Variants in MEIOB observed in about 807,000 individuals in gnomAD.
MEIOB encodes the protein meiosis-specific with OB domain-containing protein.
In MEIOB, 50 loss-of-function variants were observed where a neutral mutation model predicts 53.1. The observed-to-expected ratio is 0.94, with a 90% confidence interval of 0.75 to 1.19. MEIOB has a LOEUF of 1.19. Ranked by LOEUF, MEIOB falls within the 50% of genes most tolerant of loss-of-function variation. MEIOB has a pLI of 0.00. For missense variants in MEIOB, 551 were observed against 550.8 expected, an observed-to-expected ratio of 1.00 and a Z score of 0.00; for synonymous variants, 192 against 182.5, an observed-to-expected ratio of 1.05 and a Z score of -0.42.
intron 10 of MEIOB, among the ~76,000 whole-genome samples, chr16:1,843,160 G>T (rs1415597009): frequency 6.6e-6 from 1 of 151,258 alleles, no homozygotes; most frequent in African/African-American, 2.4e-5. Context: ...CGGGCGTGGG[G>T]TGGGCGCCTG....
intron 5 of MEIOB, among the ~76,000 whole-genome samples, chr16:1,859,348 C>T (rs564857837): frequency 2.6e-5 from 4 of 152,076 alleles, no homozygotes; most frequent in Non-Finnish European, 5.9e-5. Context: ...TCGACACCAG[C>T]CTGGCCAACA....
Position 1,834,044 on chromosome 16 carries a change from A to C in MEIOB, c.*212T>G, listed in dbSNP as rs1898673451. On this transcript the variant is annotated 3_prime_UTR_variant, in exon 14 of 14. Coordinates refer to ENST00000325962, the MANE Select transcript of MEIOB (RefSeq NM_001163560.3). ...ACATTTTCCAACTTGGGAGGAGACAAGGCAAAGACAGTAGGAGGCCTTCTA... is the reference window on the plus strand; with the variant it reads ...ACATTTTCCAACTTGGGAGGAGACACGGCAAAGACAGTAGGAGGCCTTCTA... 4 of 422,460 alleles carry C rather than the reference A, an allele frequency of 9.5e-6. No individual in the cohort carries two copies. The Admixed American group carries it at 1.7e-4, about 18-fold the overall frequency. 26.2% of individuals were successfully genotyped at this position (422,460 alleles called of 1,614,324 possible).
intron 10 of MEIOB, chr16:1,843,501 C>G (rs886104057): frequency 1.3e-5 from 2 of 151,734 alleles, no homozygotes; most frequent in African/African-American, 4.8e-5. Context: ...GGGTTTGAGA[C>G]CAGCCTGGCC....
intron 11 of MEIOB, among the ~76,000 whole-genome samples, chr16:1,841,446 C>G (rs978082811): frequency 5.9e-5 from 9 of 152,194 alleles, no homozygotes; most frequent in African/African-American, 1.9e-4. Context: ...TCCTGAGTAG[C>G]TGAGACTACA....
In MEIOB at chr16:1,860,445, T is replaced by G. The variant is rs1383442117; in HGVS notation, c.290A>C (p.Lys97Thr). Reference protein sequence around the residue: ...VIIENPLIQRKEIEREEKFSP... With the variant: ...VIIENPLIQRTEIEREEKFSP... ...GAATTTTTCTTCTCTTTCTATTTCCTTTCTTTGGATCAGAGGATTTTCAAT... is the reference window on the plus strand; with the variant it reads ...GAATTTTTCTTCTCTTTCTATTTCCGTTCTTTGGATCAGAGGATTTTCAAT... The change falls in exon 5 of 14, where the codon AAG becomes ACG. Residue 97 changes from lysine (K) to threonine (T), a missense_variant. Transcript: ENST00000325962. 2 of 1,547,100 alleles carry G rather than the reference T, an allele frequency of 1.3e-6. No homozygotes were observed. Among genetic ancestry groups the G allele is most frequent in the Non-Finnish European group, 1.7e-6 (2 of 1,143,152 alleles).
intron 2 of MEIOB, among the ~76,000 whole-genome samples, chr16:1,867,012 A>G (rs1317361425): frequency 6.6e-6 from 1 of 152,346 alleles, no homozygotes; most frequent in East Asian, 1.9e-4. Context: ...AAAACTTTCT[A>G]TCTGAAGAGA....
chr16:1,843,285 T>G (rs1203292762), intron 10 of MEIOB, among the ~76,000 whole-genome samples: 2 of 149,152 alleles, frequency 1.3e-5, no homozygotes, highest in Non-Finnish European at 3.0e-5. Context: ...AGAGCGAGAC[T>G]CCATCTCAAA....
chr16:1,851,791 T>G (rs2974850), intron 9 of MEIOB, among the ~76,000 whole-genome samples: 1 of 152,238 alleles, frequency 6.6e-6, no homozygotes, highest in African/African-American at 2.4e-5. Flanking sequence ...TGCTGATGCT[T>G]TGTTACAGAC....
At chr16:1,855,206 G>A (rs1899270267) in intron 6 of MEIOB, among the ~76,000 whole-genome samples, 1 of 152,126 alleles carries the variant, frequency 6.6e-6, no homozygotes, top group Non-Finnish European at 1.5e-5. Context: ...GGCCGAGGTG[G>A]GTGAATCACG....
intron 12 of MEIOB, chr16:1,838,202 G>A: frequency 4.5e-6 from 2 of 444,198 alleles, no homozygotes; most frequent in Non-Finnish European, 8.0e-6. Context: ...GTCTCACTAT[G>A]TTGCCCAGGG....
chr16:1,853,381 C>G (rs1899219405), intron 7 of MEIOB, 110 bp from the exon 8 acceptor site: 1 of 858,712 alleles, frequency 1.2e-6, no homozygotes, highest in South Asian at 1.6e-5. Context: ...GGTCAGCCAT[C>G]CCCAAGGTGG....
intron 3 of MEIOB, among the ~76,000 whole-genome samples, chr16:1,864,887 A>G (rs1899545429): frequency 6.6e-6 from 1 of 152,196 alleles, no homozygotes; most frequent in South Asian, 2.1e-4. Context: ...ATTTGGTAAA[A>G]GGAGATATAG....
chr16:1,859,795 G>A (rs1308937157), intron 5 of MEIOB, among the ~76,000 whole-genome samples: 1 of 152,006 alleles, frequency 6.6e-6, no homozygotes, highest in African/African-American at 2.4e-5. Context: ...CTTCTCTCCA[G>A]AACTGCCAGA....
intron 9 of MEIOB, among the ~76,000 whole-genome samples, chr16:1,845,638 A>AT (rs1167520709): frequency 6.6e-6 from 1 of 152,016 alleles, no homozygotes; most frequent in Non-Finnish European, 1.5e-5. Context: ...GTTTCTATAT[A>AT]TTTTTTCTGA....
At chr16:1,864,615 A>C (rs2150823791) in intron 3 of MEIOB, among the ~76,000 whole-genome samples, 1 of 150,912 alleles carries the variant, frequency 6.6e-6, no homozygotes, top group South Asian at 2.1e-4. Flanking sequence ...CAGCCTCCCG[A>C]GTAGCTGGGA....
chr16:1,847,504 A>G (rs1183431099), intron 9 of MEIOB, among the ~76,000 whole-genome samples: 1 of 149,638 alleles, frequency 6.7e-6, no homozygotes, highest in East Asian at 2.0e-4. Context: ...GGGCCAAGCA[A>G]GGTGGCTCAC....
At chr16:1,855,445 A>G (rs2142091039) in intron 6 of MEIOB, among the ~76,000 whole-genome samples, 1 of 151,708 alleles carries the variant, frequency 6.6e-6, no homozygotes, top group South Asian at 2.1e-4. Context: ...TCTCAAAAAG[A>G]AAAAAAAAGT....
At chr16:1,863,587 T>C (rs1242125978) in intron 3 of MEIOB, among the ~76,000 whole-genome samples, 5 of 151,892 alleles carry the variant, frequency 3.3e-5, no homozygotes, top group African/African-American at 1.2e-4. Flanking sequence ...GGTTTCACCA[T>C]GTTGGCCATG....
Position 1,861,428 on chromosome 16 carries a change from G to A in MEIOB, c.259+557C>T, listed in dbSNP as rs1596982230. Among the ~76,000 whole-genome samples the A allele has an allele frequency of 4.0e-5, 6 of 151,634 alleles. No homozygotes were observed. The South Asian group carries it at 1.0e-3, about 26-fold the overall frequency. On this transcript the variant is annotated intron_variant, in intron 4 of 13. Coordinates refer to ENST00000325962, the MANE Select transcript of MEIOB (RefSeq NM_001163560.3). ...AATTATAACAATAAAATGGGTTGGT[G>A]CAAATTGAAATATGTAATAAACCAA...
Sources: gnomAD v4.1 joint callset for allele counts (sites outside exome capture counted in the v4.1 genomes callset) on GRCh38, gnomAD v4.1.1 for gene constraint, MANE v1.5 for transcripts, NCBI Gene and HGNC (gene_info 2026-07-23, HGNC 2026-07-21) for gene names.